The following RYR2 variants were observed in gnomAD, a reference collection of about 807,000 sequenced individuals.
RYR2 encodes cardiac muscle ryanodine receptor-calcium release channel.
Under a neutral mutation model 601.1 loss-of-function variants are expected in RYR2, and 227 were observed. The ratio of observed to expected loss-of-function variants is 0.38; its 90% CI spans 0.34 to 0.42. The LOEUF (loss-of-function observed/expected upper bound fraction) is 0.42. Among genes scored for constraint, RYR2 ranks in the 10% least tolerant of loss-of-function variants. The pLI, the probability that RYR2 is intolerant of heterozygous loss-of-function variation, is 1.00. For missense variants in RYR2, 4,646 were observed against 6,156.5 expected, an observed-to-expected ratio of 0.75 and a Z score of 8.21; for synonymous variants, 2,223 against 2,175.1, an observed-to-expected ratio of 1.02 and a Z score of -0.61.
intron 2 of RYR2, among the ~76,000 whole-genome samples, chr1:237,303,547 G>A (rs1438516391): frequency 6.6e-6 from 1 of 152,084 alleles, no homozygotes; most frequent in Non-Finnish European, 1.5e-5. Context: ...TGATCTGCCT[G>A]CCTTGGCCTC....
chr1:237,803,852 T>C (rs1286126880), intron 98 of RYR2, among the ~76,000 whole-genome samples: 1 of 152,218 alleles, frequency 6.6e-6, no homozygotes, highest in Non-Finnish European at 1.5e-5. Flanking sequence ...TAATTCTCCC[T>C]TCTATCTTTA....
intron 2 of RYR2, among the ~76,000 whole-genome samples, chr1:237,305,580 C>T (rs2385810): frequency 0.26 from 39,064 of 151,942 alleles, 5,866 homozygotes; most frequent in South Asian, 0.36. Context: ...TACAGGCATG[C>T]GCCACCAAGC....
intron 17 of RYR2, among the ~76,000 whole-genome samples, chr1:237,473,474 T>TTTCTTTCTTTCTTTCTTTCTTTCTTTC (rs1553464743): frequency 1.3e-5 from 2 of 150,414 alleles, no homozygotes; most frequent in Admixed American, 6.7e-5. Flanking sequence ...TCTATCTATC[T>TTTCTTTCTTTCTTTCTTTCTTTCTTTC]ATCTGGCATA....
At chr1:237,390,713 A>G (rs1702306021) in intron 10 of RYR2, among the ~76,000 whole-genome samples, 1 of 152,124 alleles carries the variant, frequency 6.6e-6, no homozygotes, top group Non-Finnish European at 1.5e-5. Flanking sequence ...GGACATTTCA[A>G]AGATATTTTA....
chr1:237,275,975 C>T (rs941248930), intron 2 of RYR2, among the ~76,000 whole-genome samples: 9 of 151,930 alleles, frequency 5.9e-5, no homozygotes, highest in Admixed American at 1.3e-4. Flanking sequence ...GGGTCAAAGG[C>T]AAAATAAAAT....
At position 237,709,558 on chromosome 1, in the gene RYR2, G is replaced by A. The variant is rs373769240; in HGVS notation, c.10221G>A (p.Ser3407=). 1.5e-4 allele frequency: 248 copies of A among 1,603,494 alleles called. No individual in the cohort carries two copies. The highest frequency in any genetic ancestry group is 1.9e-4 in the Non-Finnish European group (228 of 1,173,226). The stretch of plus-strand genomic sequence containing the variant: ...TGGCTGAAGTGTTTATCTACTGGTC[G>A]AAGTCCCATGTGAGTGTGAAAATAT... ...RMVAEVFIYW[S]KSHNFKREEQ... is the part of the protein sequence containing the mutation. Residue 3407 remains serine (S), a synonymous_variant, in exon 70 of 105, where the codon TCG becomes TCA. Transcript: ENST00000366574.
intron 1 of RYR2, among the ~76,000 whole-genome samples, chr1:237,092,230 C>T (rs867770579): frequency 2.0e-5 from 3 of 152,046 alleles, no homozygotes; most frequent in African/African-American, 7.2e-5. Flanking sequence ...CCTGGTGTGC[C>T]GTGTAGAGTG....
At chr1:237,513,952 G>A (rs1666166605) in intron 24 of RYR2, among the ~76,000 whole-genome samples, 1 of 152,082 alleles carries the variant, frequency 6.6e-6, no homozygotes, top group Non-Finnish European at 1.5e-5. Context: ...GGTCTACTAG[G>A]AACTTAAAAG....
chr1:237,604,941 AC>A lies in RYR2; in HGVS notation c.4683+2832del, dbSNP rs568666412. On this transcript the variant is annotated intron_variant, in intron 35 of 104. Transcript: ENST00000366574. ...TGAGGCAATAATTAATAGCCTACCAACCAAAAAAAGTCCAGGACCAGACAGA... is the reference window on the plus strand; with the variant it reads ...TGAGGCAATAATTAATAGCCTACCAACAAAAAAAGTCCAGGACCAGACAGA... Among the ~76,000 whole-genome samples, 30 of 152,270 alleles carry A rather than the reference AC, an allele frequency of 2.0e-4. No individual in the cohort carries two copies. In the South Asian group the frequency reaches 4.3e-3, roughly 22 times the overall value.
At chr1:237,355,848 T>C in intron 3 of RYR2, 117 bp from the exon 4 acceptor site, 1 of 805,052 alleles carries the variant, frequency 1.2e-6, no homozygotes, top group Non-Finnish European at 2.0e-6. Context: ...GCTTTAGAAT[T>C]GGAAGTAGAT....
chr1:237,448,275 A>T (rs1287806385), intron 14 of RYR2, among the ~76,000 whole-genome samples: 1 of 152,064 alleles, frequency 6.6e-6, no homozygotes, highest in Non-Finnish European at 1.5e-5. Flanking sequence ...TTTGACCAAT[A>T]GATTTTTTCA....
intron 1 of RYR2, among the ~76,000 whole-genome samples, chr1:237,172,279 T>C (rs1677488877): frequency 6.6e-6 from 1 of 152,188 alleles, no homozygotes; most frequent in African/African-American, 2.4e-5. Context: ...TTATGCTTCC[T>C]AGGCTTGGAT....
chr1:237,565,175 CTTTCTTTCTTT>C (rs1671890910), intron 27 of RYR2, among the ~76,000 whole-genome samples: 6 of 97,304 alleles, frequency 6.2e-5, no homozygotes, highest in Non-Finnish European at 8.7e-5. Flanking sequence ...TTCTTTCTTT[CTTTCTTTCTTT>C]CTTTCTTTCT....
At chr1:237,265,612 G>T (rs571488880) in intron 1 of RYR2, among the ~76,000 whole-genome samples, 1 of 152,130 alleles carries the variant, frequency 6.6e-6, no homozygotes, top group Non-Finnish European at 1.5e-5. Context: ...GTGAGCTACC[G>T]CGCCTGGCCT....
chr1:237,600,707 A>G (rs1331605338), intron 34 of RYR2, among the ~76,000 whole-genome samples: 1 of 152,244 alleles, frequency 6.6e-6, no homozygotes, highest in East Asian at 1.9e-4. Context: ...TACATCTGAT[A>G]AGGGATCAAT....
At chr1:237,630,580 A>G (rs896255010) in intron 41 of RYR2, among the ~76,000 whole-genome samples, 3 of 152,306 alleles carry the variant, frequency 2.0e-5, no homozygotes, top group East Asian at 3.9e-4. Flanking sequence ...AGAAGTTTCA[A>G]TTTTCTCATA....
At chr1:237,706,206 G>A (rs376269114) in intron 67 of RYR2, among the ~76,000 whole-genome samples, 8 of 152,050 alleles carry the variant, frequency 5.3e-5, no homozygotes, top group Admixed American at 1.3e-4. Flanking sequence ...CCAAGACTGC[G>A]CCACTGCACT....
chr1:237,810,994 G>A (rs1661196104), intron 100 of RYR2, among the ~76,000 whole-genome samples: 1 of 152,082 alleles, frequency 6.6e-6, no homozygotes. Flanking sequence ...TACAGGGGTA[G>A]GACCATAGAT....
intron 25 of RYR2, among the ~76,000 whole-genome samples, chr1:237,547,176 T>C (rs1339150133): frequency 6.6e-6 from 1 of 151,526 alleles, no homozygotes; most frequent in African/African-American, 2.4e-5. Context: ...TTGCTAATCA[T>C]TGTATTTTTA....
Sources: gnomAD v4.1 joint callset for allele counts (sites outside exome capture counted in the v4.1 genomes callset) on GRCh38, gnomAD v4.1.1 for gene constraint, MANE v1.5 for transcripts, NCBI Gene and HGNC (gene_info 2026-07-23, HGNC 2026-07-21) for gene names.